CYTH3: variants seen among roughly 807,000 people sequenced by gnomAD.
CYTH3 encodes cytohesin 3.
CYTH3 carries 23 observed loss-of-function variants against 55.1 expected under a neutral mutation model. That is an observed-to-expected ratio of 0.42 (90% CI 0.30 to 0.59). The LOEUF is 0.59. Among genes scored for constraint, CYTH3 ranks in the 20% least tolerant of loss-of-function variants. CYTH3 has a pLI of 0.20. For missense variants in CYTH3, 413 were observed against 524.8 expected (o/e 0.79, Z 2.08); for synonymous variants, 249 against 194.9 (o/e 1.28, Z -2.31).
At position 6,165,567 on chromosome 7, in the gene CYTH3, T is replaced by C; in HGVS notation, c.950A>G (p.Glu317Gly). 6.2e-7 allele frequency: 1 copy of C among 1,614,072 alleles called. No individual in the cohort carries two copies. The highest frequency in any genetic ancestry group is 8.5e-7 in the Non-Finnish European group (1 of 1,179,986). ...IIPLENLSIR[E>G]VEDPRKPNCF... ...TACGGGTTTCCGGGGGTCCTCCACC[T>C]CCCTGATGCTGAGGTTTTCCAACGG... Residue 317 changes from glutamate (E) to glycine (G), a missense_variant, in exon 11 of 13, where the codon GAG (glutamate) becomes GGG (glycine). Glu to Gly is a moderately conservative substitution (Grantham distance 98, BLOSUM62 -2). Transcript: ENST00000350796.
chr7:6,168,222 T>A (rs1783067497), intron 9 of CYTH3, among the ~76,000 whole-genome samples: 1 of 150,058 alleles, frequency 6.7e-6, no homozygotes, highest in Admixed American at 6.6e-5. Flanking sequence ...TCCTAGGATT[T>A]TTTTTTTTTT....
chr7:6,243,181 G>A (rs1393163743), intron 1 of CYTH3, among the ~76,000 whole-genome samples: 1 of 152,212 alleles, frequency 6.6e-6, no homozygotes, highest in African/African-American at 2.4e-5. Context: ...GACATTGAGT[G>A]CAAAAATTAG....
intron 1 of CYTH3, among the ~76,000 whole-genome samples, chr7:6,246,237 T>A (rs977205365): frequency 1.2e-4 from 18 of 151,922 alleles, no homozygotes; most frequent in African/African-American, 4.3e-4. Flanking sequence ...GGATAATTTT[T>A]TTTTTTTTTT....
rs1420365489 is a variant in CYTH3 at position 6,171,320 on chromosome 7, G to T, written c.450-6C>A. 3.1e-6 allele frequency: 5 copies of T among 1,613,946 alleles called. No individual in the cohort carries two copies. Among genetic ancestry groups the T allele is most frequent in the Non-Finnish European group, 4.2e-6 (5 of 1,179,880 alleles). ...TGAAGCTCCATAAGAACTGCCTGTG[G>T]AGACACCAAAGCCATGGGAAGCCGC... On this transcript the variant is annotated splice_polypyrimidine_tract_variant and splice_region_variant and intron_variant, in intron 6 of 12. Coordinates refer to ENST00000350796, the MANE Select transcript of CYTH3 (RefSeq NM_004227.4). The surrounding 1 kb of genome is among the most constrained non-coding windows in gnomAD (Gnocchi z 6.7).
intron 1 of CYTH3, among the ~76,000 whole-genome samples, chr7:6,267,705 G>T (rs925704408): frequency 6.6e-6 from 1 of 152,054 alleles, no homozygotes; most frequent in Admixed American, 6.6e-5. Context: ...TGTATTTTTA[G>T]TAGAGACGGG....
chr7:6,238,454 C>T (rs2128554938), intron 1 of CYTH3, among the ~76,000 whole-genome samples: 1 of 152,258 alleles, frequency 6.6e-6, no homozygotes, highest in South Asian at 2.1e-4. Flanking sequence ...AATGAAAGTA[C>T]TATGCTTAGT....
At chr7:6,178,275 T>C (rs1783397478) in intron 4 of CYTH3, among the ~76,000 whole-genome samples, 1 of 152,264 alleles carries the variant, frequency 6.6e-6, no homozygotes, top group African/African-American at 2.4e-5. Context: ...TAGTTTATTC[T>C]GTGTCTGCGA....
intron 1 of CYTH3, among the ~76,000 whole-genome samples, chr7:6,269,711 C>T (rs117016448): frequency 6.6e-6 from 1 of 152,150 alleles, no homozygotes; most frequent in African/African-American, 2.4e-5. Context: ...TTGTGCCCCC[C>T]ACTCGCTCCT....
intron 1 of CYTH3, among the ~76,000 whole-genome samples, chr7:6,221,362 AATG>A (rs1279676904): frequency 6.6e-6 from 1 of 152,226 alleles, no homozygotes; most frequent in Non-Finnish European, 1.5e-5. Context: ...GACATTTCAA[AATG>A]ATAACATCTC....
At chr7:6,212,458 T>G (rs1044775405) in intron 1 of CYTH3, among the ~76,000 whole-genome samples, 6 of 152,130 alleles carry the variant, frequency 3.9e-5, no homozygotes, top group African/African-American at 1.4e-4. Flanking sequence ...CACCCACCAT[T>G]CTACTTTGTC....
intron 1 of CYTH3, among the ~76,000 whole-genome samples, chr7:6,251,328 CTT>C (rs377700661): frequency 4.2e-5 from 6 of 141,808 alleles, no homozygotes; most frequent in African/African-American, 1.0e-4. Flanking sequence ...TCAGACTATT[CTT>C]TTTTTTTTTT....
chr7:6,177,433 C>T (rs1030789832), intron 5 of CYTH3, among the ~76,000 whole-genome samples: 1 of 152,212 alleles, frequency 6.6e-6, no homozygotes. Context: ...TCACTTTCCA[C>T]CTTTATTCAT....
intron 1 of CYTH3, among the ~76,000 whole-genome samples, chr7:6,240,629 T>C (rs1440575008): frequency 1.3e-5 from 2 of 152,090 alleles, no homozygotes; most frequent in Non-Finnish European, 2.9e-5. Flanking sequence ...ATGCAGCCTT[T>C]TGGGGAAAGA....
chr7:6,184,953 T>G lies in CYTH3; in HGVS notation c.249+2097A>C, dbSNP rs1427281946. Among the ~76,000 whole-genome samples, 4 of 152,240 alleles carry G rather than the reference T, an allele frequency of 2.6e-5. No individual in the cohort carries two copies. The South Asian group carries it at 8.3e-4, about 31-fold the overall frequency. On this transcript the variant is annotated intron_variant, in intron 4 of 12. Coordinates refer to ENST00000350796, the MANE Select transcript of CYTH3 (RefSeq NM_004227.4). ...GATTAGAATTTATCCATGAACTTAC[T>G]GGTGTGCTGCCCTGTGCTGCACTAC...
At chr7:6,223,930 C>T (rs1275876726) in intron 1 of CYTH3, among the ~76,000 whole-genome samples, 2 of 147,466 alleles carry the variant, frequency 1.4e-5, no homozygotes, top group Non-Finnish European at 3.0e-5. Context: ...ATGTACACAA[C>T]TACAGCAGTC....
chr7:6,236,440 G>A (rs1779527198), intron 1 of CYTH3, among the ~76,000 whole-genome samples: 1 of 150,328 alleles, frequency 6.7e-6, no homozygotes, highest in Non-Finnish European at 1.5e-5. Flanking sequence ...GAACTCCTGG[G>A]CTCAAGGAAT....
intron 4 of CYTH3, among the ~76,000 whole-genome samples, chr7:6,183,440 A>G (rs1783556573): frequency 6.6e-6 from 1 of 152,234 alleles, no homozygotes; most frequent in Admixed American, 6.5e-5. Flanking sequence ...GAGAGGCTGC[A>G]GAGTGTTTTC....
At chr7:6,254,576 G>A (rs1421140650) in intron 1 of CYTH3, among the ~76,000 whole-genome samples, 1 of 152,218 alleles carries the variant, frequency 6.6e-6, no homozygotes, top group African/African-American at 2.4e-5. Flanking sequence ...AGCCTCCCAA[G>A]AAGCTGGGAT....
At chr7:6,185,898 A>G (rs1240792259) in intron 4 of CYTH3, among the ~76,000 whole-genome samples, 2 of 152,064 alleles carry the variant, frequency 1.3e-5, no homozygotes, top group African/African-American at 2.4e-5. Context: ...ACAAATAATT[A>G]ACTCATTAGC....
Sources: allele counts gnomAD v4.1 joint callset (sites outside exome capture counted in the v4.1 genomes callset), GRCh38; gene constraint gnomAD v4.1.1; non-coding constraint Gnocchi (gnomAD v3.1); transcripts MANE v1.5; gene names NCBI Gene and HGNC (gene_info 2026-07-23, HGNC 2026-07-21).